BCAS3: variants seen among roughly 807,000 people sequenced by gnomAD.
BCAS3 encodes the protein BCAS4/BCAS3 fusion.
BCAS3 carries 53 observed loss-of-function variants against 116.1 expected under a neutral mutation model. The ratio of observed to expected loss-of-function variants is 0.46; its 90% CI spans 0.37 to 0.57. BCAS3 has a LOEUF of 0.57. Ranked by LOEUF, BCAS3 falls within the 20% of genes least tolerant of loss-of-function variation. The pLI, the probability that BCAS3 is intolerant of heterozygous loss-of-function variation, is 0.00. For synonymous variants in BCAS3, 391 were observed against 408.2 expected, an observed-to-expected ratio of 0.96 and a Z score of 0.51; for missense variants, 917 against 1,165.4, an observed-to-expected ratio of 0.79 and a Z score of 3.10.
rs1248250356 is a variant in BCAS3 at position 61,208,467 on chromosome 17, T to G, written c.2425+123903T>G. On this transcript the variant is annotated intron_variant, in intron 22 of 23. Transcript: ENST00000407086. This position sits in a 1 kb window ranked among gnomAD's most constrained non-coding sequence, Gnocchi z 4.5. The stretch of plus-strand genomic sequence containing the variant: ...GTGTCGTTAAAAAACTGAGAGTTTT[T>G]CTTCTGTTGTGGACATTTCTTGTCC... 6.6e-6 allele frequency among the ~76,000 whole-genome samples: 1 copy of G among 152,216 alleles called. No individual in the cohort carries two copies. The highest frequency in any genetic ancestry group is 1.5e-5 in the Non-Finnish European group (1 of 68,044).
At chr17:60,829,493 CAA>C (rs538508139) in intron 7 of BCAS3, among the ~76,000 whole-genome samples, 34 of 124,476 alleles carry the variant, frequency 2.7e-4, no homozygotes, top group African/African-American at 4.8e-4. Flanking sequence ...GACTGTGTCT[CAA>C]AAAAAAAAAA....
Position 60,993,371 on chromosome 17 carries a change from T to G in BCAS3, c.1486+3136T>G, listed in dbSNP as rs191538827. Among the ~76,000 whole-genome samples the G allele has an allele frequency of 3.5e-3, 535 of 152,310 alleles. 1 individual carries two copies. Among genetic ancestry groups the G allele is most frequent in the Non-Finnish European group, 5.4e-3 (365 of 68,010 alleles). On this transcript the variant is annotated intron_variant, in intron 15 of 23. Transcript: ENST00000407086. The surrounding 1 kb of genome is among the most constrained non-coding windows in gnomAD (Gnocchi z 4.2). ...TTGCTTTCATGTCTCTCTGCATGTT[T>G]TTTTCAGAAATCTCAAAGAGGAGAA...
Position 61,316,166 on chromosome 17 carries a change from C to T in BCAS3, c.2426-52161C>T, listed in dbSNP as rs6504035. ...ACTAAAAATTACAAAATTAGCCAGG[C>T]ATGGTGGTGCATGCCTGTGATCCCA... is the stretch of plus-strand genomic sequence containing the variant. On this transcript the variant is annotated intron_variant, in intron 22 of 23. Transcript: ENST00000407086. This position sits in a 1 kb window ranked among gnomAD's most constrained non-coding sequence, Gnocchi z 5.8. Among the ~76,000 whole-genome samples, 40,527 of 151,792 alleles carry T rather than the reference C, an allele frequency of 0.27. 7,484 individuals are homozygous for T. Among genetic ancestry groups the T allele is most frequent in the African/African-American group, 0.53 (21,746 of 41,344 alleles).
intron 5 of BCAS3, among the ~76,000 whole-genome samples, chr17:60,735,240 A>G (rs1271503863): frequency 2.0e-5 from 3 of 152,110 alleles, no homozygotes; most frequent in African/African-American, 7.2e-5. Flanking sequence ...TTTTATACAT[A>G]GATGATCATG....
chr17:61,360,959 T>C (rs752492702), intron 22 of BCAS3, among the ~76,000 whole-genome samples: 1 of 152,216 alleles, frequency 6.6e-6, no homozygotes, highest in Admixed American at 6.5e-5. Flanking sequence ...AACAAGACTC[T>C]TATGGTATAA....
intron 7 of BCAS3, among the ~76,000 whole-genome samples, chr17:60,825,553 T>TTTATA (rs1357425892): frequency 4.3e-3 from 620 of 142,974 alleles, no homozygotes; most frequent in Middle Eastern, 0.022. Context: ...TAATTATTTA[T>TTTATA]AATAATTTAT....
At chr17:60,767,386 C>T (rs1213926305) in intron 6 of BCAS3, among the ~76,000 whole-genome samples, 1 of 145,256 alleles carries the variant, frequency 6.9e-6, no homozygotes, top group South Asian at 2.2e-4. Context: ...GCTCTGTCAC[C>T]CAGGCTGGAG....
chr17:61,079,085 T>C (rs17682461), intron 21 of BCAS3, among the ~76,000 whole-genome samples: 2,336 of 152,254 alleles, frequency 0.015, 29 homozygotes, highest in Non-Finnish European at 0.022. Flanking sequence ...TTTTTTTAAT[T>C]GCAACTCAGA....
intron 19 of BCAS3, among the ~76,000 whole-genome samples, chr17:61,059,381 C>G (rs922797228): frequency 2.6e-5 from 4 of 152,142 alleles, no homozygotes; most frequent in South Asian, 4.2e-4. Context: ...TGCACCTGGC[C>G]TCTCCCCGTC....
At position 61,171,009 on chromosome 17, in the gene BCAS3, G is replaced by GA. The variant is rs1268517521; in HGVS notation, c.2425+86449dup. 6.6e-6 allele frequency among the ~76,000 whole-genome samples: 1 copy of GA among 152,138 alleles called. No homozygotes were observed. The highest frequency in any genetic ancestry group is 2.4e-5 in the African/African-American group (1 of 41,418). Reference sequence around the variant, plus strand: ...ATTTCTGTTCCCATTAGCCAGATTGGAAAATCTCATAATTTGCAGGTAAAG... The same window carrying GA: ...ATTTCTGTTCCCATTAGCCAGATTGGAAAAATCTCATAATTTGCAGGTAAAG... On this transcript the variant is annotated intron_variant, in intron 22 of 23. Coordinates refer to ENST00000407086, the MANE Select transcript of BCAS3 (RefSeq NM_017679.5). The surrounding 1 kb of genome is among the most constrained non-coding windows in gnomAD (Gnocchi z 4.1).
chr17:61,127,847 T>TA (rs913196235), intron 22 of BCAS3, among the ~76,000 whole-genome samples: 6 of 149,742 alleles, frequency 4.0e-5, no homozygotes, highest in South Asian at 4.3e-4. Context: ...TTGGGTGATA[T>TA]AAAAAAAAAT....
At chr17:60,863,075 G>A (rs1168163137) in intron 7 of BCAS3, among the ~76,000 whole-genome samples, 1 of 152,050 alleles carries the variant, frequency 6.6e-6, no homozygotes, top group Non-Finnish European at 1.5e-5. Flanking sequence ...TTAGACTTAT[G>A]ATCCATTTTG....
intron 19 of BCAS3, among the ~76,000 whole-genome samples, chr17:61,053,025 G>C (rs2069027588): frequency 6.6e-6 from 1 of 152,034 alleles, no homozygotes; most frequent in Non-Finnish European, 1.5e-5. Context: ...CCTGTGGTGA[G>C]TTTCTTCTGA....
At chr17:60,977,144 C>T (rs957172152) in intron 14 of BCAS3, among the ~76,000 whole-genome samples, 10 of 152,134 alleles carry the variant, frequency 6.6e-5, no homozygotes, top group Middle Eastern at 3.4e-3. Flanking sequence ...GCTGGCCAGG[C>T]GGGGGCTGCC....
At position 61,375,218 on chromosome 17, in the gene BCAS3, TTGTGTGTG is replaced by T. The variant is rs59961930; in HGVS notation, c.2593+6754_2593+6761del. Among the ~76,000 whole-genome samples, 268 of 142,772 alleles carry T rather than the reference TTGTGTGTG, an allele frequency of 1.9e-3. 3 individuals carry two copies. The highest frequency in any genetic ancestry group is 6.5e-3 in the African/African-American group (242 of 37,064). The allele number at this position is 142,772 out of a possible 152,430, so 93.7% of individuals were successfully genotyped here. A position where few individuals can be genotyped will look rare whatever the true frequency, so the allele number is the denominator to read the frequency against. On this transcript the variant is annotated intron_variant, in intron 23 of 23. Coordinates refer to ENST00000407086, the MANE Select transcript of BCAS3 (RefSeq NM_017679.5). ...GCAAAAGATGACCTAAAAGCACTAT[TTGTGTGTG>T]TGTGTGTGTGTGTGTGTGTGTGTGT... is the stretch of plus-strand genomic sequence containing the variant.
At position 61,366,634 on chromosome 17, in the gene BCAS3, G is replaced by C. The variant is rs2058748691; in HGVS notation, c.2426-1693G>C. The stretch of plus-strand genomic sequence containing the variant: ...GCCTAGCTTACCAGATCTACAGCCT[G>C]ACCCTACTTGATGGAGAGGTGGCAG... On this transcript the variant is annotated intron_variant, in intron 22 of 23. Coordinates refer to ENST00000407086, the MANE Select transcript of BCAS3 (RefSeq NM_017679.5). The surrounding 1 kb of genome is among the most constrained non-coding windows in gnomAD (Gnocchi z 4.5). 6.6e-6 allele frequency among the ~76,000 whole-genome samples: 1 copy of C among 152,192 alleles called. No individual in the cohort carries two copies. The highest frequency in any genetic ancestry group is 2.4e-5 in the African/African-American group (1 of 41,450).
rs2049055381 is a variant in BCAS3 at position 61,259,914 on chromosome 17, T to C, written c.2426-108413T>C. Among the ~76,000 whole-genome samples the C allele has an allele frequency of 3.3e-5, 5 of 152,222 alleles. No individual in the cohort carries two copies. Among genetic ancestry groups the C allele is most frequent in the Admixed American group, 2.0e-4 (3 of 15,282 alleles). The stretch of plus-strand genomic sequence containing the variant: ...TTACTTTGGACTGACCTAGTGATAA[T>C]AATACTAATAGCCACTATTTATTGA... On this transcript the variant is annotated intron_variant, in intron 22 of 23. Coordinates refer to ENST00000407086, the MANE Select transcript of BCAS3 (RefSeq NM_017679.5). The surrounding 1 kb of genome is among the most constrained non-coding windows in gnomAD (Gnocchi z 4.7).
intron 12 of BCAS3, among the ~76,000 whole-genome samples, 196 bp downstream of exon 12, chr17:60,910,898 TC>T (rs199947777): frequency 0.011 from 1,751 of 152,284 alleles, 36 homozygotes; most frequent in African/African-American, 0.038. Context: ...TATTAATGCA[TC>T]AAACCTGAAG....
At chr17:60,800,381 C>T (rs1340661358) in intron 6 of BCAS3, among the ~76,000 whole-genome samples, 1 of 152,118 alleles carries the variant, frequency 6.6e-6, no homozygotes, top group Non-Finnish European at 1.5e-5. Context: ...GCTGATTTGC[C>T]ATCCATCTCT....
Sources: allele counts gnomAD v4.1 joint callset (sites outside exome capture counted in the v4.1 genomes callset), GRCh38; gene constraint gnomAD v4.1.1; non-coding constraint Gnocchi (gnomAD v3.1); transcripts MANE v1.5; gene names NCBI Gene and HGNC (gene_info 2026-07-23, HGNC 2026-07-21).